The following PCDH9 variants were observed in gnomAD, a reference collection of about 807,000 sequenced individuals.
PCDH9 encodes the protein protocadherin-9.
In PCDH9, 24 loss-of-function variants were observed where a neutral mutation model predicts 70.6. That is an observed-to-expected ratio of 0.34 (90% CI 0.25 to 0.48). The LOEUF is 0.48. Among genes scored for constraint, PCDH9 ranks in the 20% least tolerant of loss-of-function variants. PCDH9 has a pLI of 0.99. For missense variants in PCDH9, 1,281 were observed against 1,503.6 expected, an observed-to-expected ratio of 0.85 and a Z score of 2.45; for synonymous variants, 562 against 558.5, an observed-to-expected ratio of 1.01 and a Z score of -0.09.
intron 4 of PCDH9, among the ~76,000 whole-genome samples, chr13:66,444,435 A>G (rs1020524406): frequency 4.6e-5 from 7 of 152,212 alleles, no homozygotes; most frequent in African/African-American, 1.7e-4. Flanking sequence ...ATGAAGTTAT[A>G]ACTGTTAGAA....
At chr13:66,869,656 C>T (rs927470427) in intron 3 of PCDH9, among the ~76,000 whole-genome samples, 8 of 152,012 alleles carry the variant, frequency 5.3e-5, no homozygotes, top group African/African-American at 1.9e-4. Flanking sequence ...TGTTTAGTTG[C>T]TATAAAAGAA....
chr13:67,064,739 A>G (rs1249199845), intron 2 of PCDH9, among the ~76,000 whole-genome samples: 1 of 152,154 alleles, frequency 6.6e-6, no homozygotes, highest in Non-Finnish European at 1.5e-5. Context: ...AAAAGATGGA[A>G]TTTGTTGACA....
intron 4 of PCDH9, among the ~76,000 whole-genome samples, chr13:66,536,151 C>A (rs1274158201): frequency 1.3e-5 from 2 of 152,082 alleles, no homozygotes; most frequent in Non-Finnish European, 2.9e-5. Flanking sequence ...ATTCATACCA[C>A]CCCATATGGT....
intron 3 of PCDH9, among the ~76,000 whole-genome samples, chr13:66,878,283 G>A (rs1473766558): frequency 6.6e-6 from 1 of 151,846 alleles, no homozygotes; most frequent in Non-Finnish European, 1.5e-5. Context: ...CTGGAGTGTA[G>A]GGGCATGATC....
At chr13:67,154,595 A>AAAAATATATAT (rs1555313195) in intron 2 of PCDH9, among the ~76,000 whole-genome samples, 2 of 88,990 alleles carry the variant, frequency 2.2e-5, no homozygotes, top group African/African-American at 9.0e-5. Flanking sequence ...AAAAAAAAAA[A>AAAAATATATAT]ATATATATAT....
rs1377106968 is a variant in PCDH9 at position 66,542,543 on chromosome 13, A to G, written c.3340+88667T>C. Among the ~76,000 whole-genome samples, 5 of 151,922 alleles carry G rather than the reference A, an allele frequency of 3.3e-5. No homozygotes were observed. The East Asian group carries it at 9.7e-4, about 29-fold the overall frequency. On this transcript the variant is annotated intron_variant, in intron 4 of 4. Transcript: ENST00000377865. ...AACAGCAACTACTGCATGAGTTTCC[A>G]GCTGCTGGCCTGCCCTATCCAATTT... is the stretch of plus-strand genomic sequence containing the variant.
intron 3 of PCDH9, among the ~76,000 whole-genome samples, chr13:66,834,494 G>A (rs2080982795): frequency 1.3e-5 from 2 of 152,000 alleles, no homozygotes; most frequent in Admixed American, 6.6e-5. Flanking sequence ...TTATACAACT[G>A]TACCCAAAAT....
At chr13:66,338,725 C>T (rs1301040434) in intron 4 of PCDH9, among the ~76,000 whole-genome samples, 1 of 151,940 alleles carries the variant, frequency 6.6e-6, no homozygotes, top group Non-Finnish European at 1.5e-5. Context: ...ATCCTGACCA[C>T]TGGGCTGATG....
intron 3 of PCDH9, among the ~76,000 whole-genome samples, chr13:66,796,266 T>C (rs563591293): frequency 1.3e-5 from 2 of 152,254 alleles, no homozygotes; most frequent in South Asian, 2.1e-4. Context: ...ATATACAGCA[T>C]TGTGACATTT....
At chr13:66,554,925 T>A (rs1961659502) in intron 4 of PCDH9, among the ~76,000 whole-genome samples, 1 of 152,102 alleles carries the variant, frequency 6.6e-6, no homozygotes, top group South Asian at 2.1e-4. Context: ...ATCCTAGCAC[T>A]TTGGGAGGCC....
In PCDH9 at chr13:66,871,684, T is replaced by C. The variant is rs79694033; in HGVS notation, c.3138+31820A>G. On this transcript the variant is annotated intron_variant, in intron 3 of 4. Transcript: ENST00000377865. ...CCAGATTGGTCTTCTACCGTACATG[T>C]ATGGCACTGTCACTAACAGCTTAAT... 5.5e-3 allele frequency among the ~76,000 whole-genome samples: 831 copies of C among 152,250 alleles called. 4 individuals are homozygous for C. Among genetic ancestry groups the C allele is most frequent in the African/African-American group, 0.019 (800 of 41,562 alleles).
chr13:66,946,517 A>C (rs1250652925), intron 2 of PCDH9, among the ~76,000 whole-genome samples: 1 of 152,098 alleles, frequency 6.6e-6, no homozygotes, highest in Non-Finnish European at 1.5e-5. Context: ...TTTTTTAAAA[A>C]GATTTTTATA....
intron 2 of PCDH9, among the ~76,000 whole-genome samples, chr13:67,200,036 G>A (rs1270977697): frequency 6.6e-6 from 1 of 152,042 alleles, no homozygotes; most frequent in Non-Finnish European, 1.5e-5. Context: ...ATAACTTTAA[G>A]ACTAAAAGCA....
intron 2 of PCDH9, chr13:67,206,937 C>T (rs1030468463): frequency 2.6e-4 from 39 of 152,076 alleles, no homozygotes; most frequent in African/African-American, 8.9e-4. Flanking sequence ...TTGAGATGAG[C>T]AAATTTATTT....
At chr13:66,323,217 T>C (rs1955785860) in intron 4 of PCDH9, 1 of 152,014 alleles carries the variant, frequency 6.6e-6, no homozygotes, top group South Asian at 2.1e-4. Flanking sequence ...AATGTACCTC[T>C]AAGAATCGTT....
intron 2 of PCDH9, among the ~76,000 whole-genome samples, chr13:67,038,472 T>G (rs1448887357): frequency 6.6e-6 from 1 of 152,208 alleles, no homozygotes; most frequent in Non-Finnish European, 1.5e-5. Flanking sequence ...TAAGAAAGTG[T>G]AACCTGGTAT....
intron 4 of PCDH9, among the ~76,000 whole-genome samples, chr13:66,370,813 C>T (rs776452011): frequency 1.3e-5 from 2 of 152,012 alleles, no homozygotes; most frequent in Non-Finnish European, 2.9e-5. Context: ...TGCTTTTGGC[C>T]TCCTATTGCC....
chr13:66,591,040 A>G (rs936377586), intron 4 of PCDH9, among the ~76,000 whole-genome samples: 1 of 151,754 alleles, frequency 6.6e-6, no homozygotes, highest in Non-Finnish European at 1.5e-5. Context: ...AAAAATATGT[A>G]CTTCACTTCT....
At position 66,378,402 on chromosome 13, in the gene PCDH9, C is replaced by T. The variant is rs545984008; in HGVS notation, c.3341-73374G>A. Among the ~76,000 whole-genome samples the T allele has an allele frequency of 3.3e-5, 5 of 152,076 alleles. No homozygotes were observed. The South Asian group carries it at 1.0e-3, about 32-fold the overall frequency. On this transcript the variant is annotated intron_variant, in intron 4 of 4. Coordinates refer to ENST00000377865, the MANE Select transcript of PCDH9 (RefSeq NM_203487.3). Reference sequence around the variant, plus strand: ...ATATACTCTCTGTAAAACAGTCCTTCTGAGATTGGGACAATGAATAATCTC... The same window carrying T: ...ATATACTCTCTGTAAAACAGTCCTTTTGAGATTGGGACAATGAATAATCTC...
Sources: allele counts gnomAD v4.1 joint callset (sites outside exome capture counted in the v4.1 genomes callset), GRCh38; gene constraint gnomAD v4.1.1; transcripts MANE v1.5; gene names NCBI Gene and HGNC (gene_info 2026-07-23, HGNC 2026-07-21).